The following CSMD1 variants were observed in gnomAD, a reference collection of about 807,000 sequenced individuals.
The protein encoded by CSMD1 is CUB and sushi domain-containing protein 1.
Under a neutral mutation model 417.5 loss-of-function variants are expected in CSMD1, and 213 were observed. That is an observed-to-expected ratio of 0.51 (90% confidence interval 0.46 to 0.57). The LOEUF (loss-of-function observed/expected upper bound fraction) is 0.57. Ranked by LOEUF, CSMD1 falls within the 20% of genes least tolerant of loss-of-function variation. The pLI is 0.00. For synonymous variants in CSMD1, 2,862 were observed against 1,736.8 expected (o/e 1.65, Z -16.11); for missense variants, 6,923 against 4,529.7 (o/e 1.53, Z -15.17).
At chr8:3,681,964 G>T (rs1262736845) in intron 7 of CSMD1, among the ~76,000 whole-genome samples, 2 of 152,128 alleles carry the variant, frequency 1.3e-5, no homozygotes, top group Non-Finnish European at 2.9e-5. Context: ...TCAACAAATG[G>T]TGCTGGGAAA....
chr8:4,231,193 T>C (rs985565684), intron 3 of CSMD1, among the ~76,000 whole-genome samples: 8 of 152,196 alleles, frequency 5.3e-5, no homozygotes, highest in East Asian at 1.9e-4. Context: ...CAATTGCGCA[T>C]TGAGTCTAAA....
intron 3 of CSMD1, among the ~76,000 whole-genome samples, chr8:4,235,455 C>T (rs957799677): frequency 3.3e-5 from 5 of 152,118 alleles, no homozygotes; most frequent in East Asian, 1.9e-4. Context: ...CCACAAGTAC[C>T]TGCTGAGTGT....
intron 2 of CSMD1, among the ~76,000 whole-genome samples, chr8:4,583,685 A>T (rs1799560416): frequency 6.6e-6 from 1 of 151,996 alleles, no homozygotes; most frequent in Admixed American, 6.6e-5. Flanking sequence ...GGTCGTGGAG[A>T]ACCTTTGTAT....
At chr8:4,362,345 C>G (rs573384430) in intron 3 of CSMD1, among the ~76,000 whole-genome samples, 7 of 152,130 alleles carry the variant, frequency 4.6e-5, no homozygotes, top group Admixed American at 2.0e-4. Context: ...AGACCCCAAG[C>G]TCATCTGTCT....
intron 3 of CSMD1, among the ~76,000 whole-genome samples, chr8:4,099,093 G>GT (rs1177655033): frequency 2.6e-5 from 4 of 151,726 alleles, no homozygotes; most frequent in Middle Eastern, 3.2e-3. Flanking sequence ...ATTTTCATCT[G>GT]TTTTTTTCTT....
At chr8:3,926,323 A>T (rs888857733) in intron 5 of CSMD1, among the ~76,000 whole-genome samples, 1 of 152,078 alleles carries the variant, frequency 6.6e-6, no homozygotes, top group Non-Finnish European at 1.5e-5. Flanking sequence ...TTTTCAATCT[A>T]TTACACACTA....
chr8:4,085,181 C>G (rs886883970), intron 3 of CSMD1, among the ~76,000 whole-genome samples: 2 of 152,144 alleles, frequency 1.3e-5, no homozygotes, highest in East Asian at 1.9e-4. Context: ...CTGAGGATGG[C>G]AGCACAGTGC....
At chr8:4,929,551 G>C (rs1385894222) in intron 1 of CSMD1, among the ~76,000 whole-genome samples, 3 of 152,156 alleles carry the variant, frequency 2.0e-5, no homozygotes, top group Admixed American at 2.0e-4. Flanking sequence ...ACTCACCTCA[G>C]TGTAGAAAGG....
chr8:3,875,210 CG>C (rs1563167005), intron 5 of CSMD1, among the ~76,000 whole-genome samples: 1 of 152,074 alleles, frequency 6.6e-6, no homozygotes, highest in African/African-American at 2.4e-5. Flanking sequence ...TGAGGCCATT[CG>C]GGAGCCACCA....
At chr8:4,263,673 A>T (rs1479034272) in intron 3 of CSMD1, among the ~76,000 whole-genome samples, 1 of 152,200 alleles carries the variant, frequency 6.6e-6, no homozygotes, top group Non-Finnish European at 1.5e-5. Flanking sequence ...ATAATTTTGA[A>T]TTATTTATAT....
intron 3 of CSMD1, among the ~76,000 whole-genome samples, chr8:4,300,217 G>T (rs1797906366): frequency 6.6e-6 from 1 of 152,174 alleles, no homozygotes; most frequent in Non-Finnish European, 1.5e-5. Context: ...GTAATGTTCA[G>T]TTTTGATAAT....
intron 3 of CSMD1, among the ~76,000 whole-genome samples, chr8:4,250,482 T>C (rs1044039669): frequency 6.6e-6 from 1 of 152,154 alleles, no homozygotes; most frequent in African/African-American, 2.4e-5. Flanking sequence ...GACTTGGTAT[T>C]CTGAGTGGTG....
intron 2 of CSMD1, among the ~76,000 whole-genome samples, chr8:4,527,859 G>A (rs549516769): frequency 1.3e-5 from 2 of 152,276 alleles, no homozygotes; most frequent in Admixed American, 6.5e-5. Context: ...ATGGAATGAC[G>A]TCTTAGTTCT....
Position 3,816,248 on chromosome 8 carries a change from G to C in CSMD1, c.819-62206C>G, listed in dbSNP as rs193103095. Among the ~76,000 whole-genome samples, 11 of 152,200 alleles carry C rather than the reference G, an allele frequency of 7.2e-5. No individual in the cohort carries two copies. The South Asian group carries it at 1.9e-3, about 26-fold the overall frequency. ...ACGTGTTATATTCGATCCTGGTTAC[G>C]GTGCATTCATTTTCTCCACATTAAA... On this transcript the variant is annotated intron_variant, in intron 5 of 69. Coordinates refer to ENST00000635120, the MANE Select transcript of CSMD1 (RefSeq NM_033225.6).
chr8:4,844,700 C>T (rs530170643), intron 1 of CSMD1, among the ~76,000 whole-genome samples: 2 of 152,172 alleles, frequency 1.3e-5, no homozygotes, highest in Non-Finnish European at 2.9e-5. Context: ...TTATCTTAGA[C>T]TCTAAACAAC....
chr8:3,993,172 A>C (rs931792360), intron 5 of CSMD1, among the ~76,000 whole-genome samples: 15 of 152,204 alleles, frequency 9.9e-5, no homozygotes, highest in African/African-American at 3.6e-4. Flanking sequence ...GTTCACATGA[A>C]GGAAGCTAGG....
intron 10 of CSMD1, among the ~76,000 whole-genome samples, chr8:3,520,377 T>C (rs1797457838): frequency 6.6e-6 from 1 of 152,064 alleles, no homozygotes; most frequent in Non-Finnish European, 1.5e-5. Flanking sequence ...TCCTCAAAAA[T>C]AAACACTTCA....
At chr8:3,440,778 TG>T (rs1487563859) in intron 12 of CSMD1, among the ~76,000 whole-genome samples, 1 of 152,178 alleles carries the variant, frequency 6.6e-6, no homozygotes, top group African/African-American at 2.4e-5. Flanking sequence ...AGTGTTTTTT[TG>T]TTTTGTTTTG....
intron 5 of CSMD1, among the ~76,000 whole-genome samples, chr8:3,926,088 C>CAA (rs1809671225): frequency 3.2e-5 from 1 of 31,238 alleles, no homozygotes; most frequent in African/African-American, 4.1e-4. Context: ...ACCATACACA[C>CAA]ACACACACAC....
Sources: allele counts gnomAD v4.1 joint callset (sites outside exome capture counted in the v4.1 genomes callset), GRCh38; gene constraint gnomAD v4.1.1; transcripts MANE v1.5; gene names NCBI Gene and HGNC (gene_info 2026-07-23, HGNC 2026-07-21).